CEP70: variants seen among roughly 807,000 people sequenced by gnomAD.
The protein encoded by CEP70 is centrosomal protein 70.
Under a neutral mutation model 90.9 loss-of-function variants are expected in CEP70, and 70 were observed. The observed-to-expected ratio is 0.77, with a 90% CI of 0.64 to 0.94. The LOEUF is 0.94. Among genes scored for constraint, CEP70 ranks in the 40% least tolerant of loss-of-function variants. The probability of loss-of-function intolerance (pLI) is 0.00; values close to 1 mark genes in which losing one functional copy is unlikely to be tolerated. For synonymous variants in CEP70, 220 were observed against 228.3 expected (o/e 0.96, Z 0.33); for missense variants, 648 against 669.0 (o/e 0.97, Z 0.35).
chr3:138,570,293 C>T (rs369373070), intron 6 of CEP70, 25 bp downstream of exon 6: 6 of 1,460,454 alleles, frequency 4.1e-6, no homozygotes, highest in African/African-American at 2.9e-5. Context: ...AACTAACCAT[C>T]ATCTAAGAAT....
intron 11 of CEP70, among the ~76,000 whole-genome samples, chr3:138,516,439 G>A (rs2036034762): frequency 6.6e-6 from 1 of 152,108 alleles, no homozygotes; most frequent in Non-Finnish European, 1.5e-5. Context: ...AGGCTGGAGT[G>A]CAGTGGTGTG....
At chr3:138,582,195 T>C (rs890165779) in intron 2 of CEP70, among the ~76,000 whole-genome samples, 3 of 152,108 alleles carry the variant, frequency 2.0e-5, no homozygotes, top group Non-Finnish European at 4.4e-5. Context: ...ACACAGAGTC[T>C]GGGCACAGTG....
At chr3:138,533,257 G>C (rs2037980152) in intron 7 of CEP70, among the ~76,000 whole-genome samples, 1 of 150,918 alleles carries the variant, frequency 6.6e-6, no homozygotes. Context: ...CTACAGCCTG[G>C]TGACAGAGCA....
At chr3:138,587,981 T>C (rs540285528) in intron 2 of CEP70, among the ~76,000 whole-genome samples, 1 of 151,924 alleles carries the variant, frequency 6.6e-6, no homozygotes, top group South Asian at 2.1e-4. Context: ...CGAAGGTAAT[T>C]TAGCAGGAAA....
At chr3:138,558,267 A>C (rs2040163934) in intron 6 of CEP70, among the ~76,000 whole-genome samples, 1 of 152,166 alleles carries the variant, frequency 6.6e-6, no homozygotes, top group African/African-American at 2.4e-5. Flanking sequence ...CAGGAGGCTG[A>C]AGTGGGCAAA....
intron 16 of CEP70, chr3:138,499,783 T>TACAC (rs56826450): frequency 0.34 from 65,611 of 192,614 alleles, 11,282 homozygotes; most frequent in Non-Finnish European, 0.4. Context: ...TCTCTCTCTC[T>TACAC]ACACACACAC....
chr3:138,566,836 G>A (rs2040829651), intron 6 of CEP70, among the ~76,000 whole-genome samples: 1 of 151,226 alleles, frequency 6.6e-6, no homozygotes, highest in South Asian at 2.1e-4. Flanking sequence ...AAACTTAAAT[G>A]TATACTTACC....
At chr3:138,529,173 A>G in intron 10 of CEP70, 26 bp downstream of exon 10, 3 of 1,515,146 alleles carry the variant, frequency 2.0e-6, no homozygotes, top group Non-Finnish European at 2.7e-6. Context: ...TCAGGAAAAA[A>G]AAAAAAAAAA....
chr3:138,538,650 C>T (rs1288526307), intron 6 of CEP70, among the ~76,000 whole-genome samples: 1 of 152,120 alleles, frequency 6.6e-6, no homozygotes, highest in Non-Finnish European at 1.5e-5. Context: ...CCATGACCCC[C>T]ACAGATGGAA....
At chr3:138,581,042 T>TG (rs2041826538) in intron 2 of CEP70, among the ~76,000 whole-genome samples, 1 of 151,730 alleles carries the variant, frequency 6.6e-6, no homozygotes, top group Admixed American at 6.6e-5. Context: ...CCCAACACTC[T>TG]GGGAGGCCAA....
chr3:138,537,415 G>T, intron 6 of CEP70, 68 bp from the exon 7 acceptor site: 2 of 1,013,838 alleles, frequency 2.0e-6, no homozygotes, highest in Non-Finnish European at 2.7e-6. Flanking sequence ...TAACAGTATT[G>T]TACACAAAGG....
chr3:138,543,309 C>G (rs145632595), intron 6 of CEP70, among the ~76,000 whole-genome samples: 1 of 152,210 alleles, frequency 6.6e-6, no homozygotes, highest in Non-Finnish European at 1.5e-5. Context: ...CTGCGCTCGT[C>G]GGCATCCAAA....
intron 6 of CEP70, among the ~76,000 whole-genome samples, chr3:138,552,766 A>G (rs1192429687): frequency 6.6e-6 from 1 of 152,184 alleles, no homozygotes; most frequent in Admixed American, 6.5e-5. Context: ...ACCTCAAGGA[A>G]CTAGAGAAAC....
At chr3:138,500,590 A>G in intron 14 of CEP70, 23 bp from the exon 15 acceptor site, 1 of 1,565,790 alleles carries the variant, frequency 6.4e-7, no homozygotes, top group Non-Finnish European at 8.6e-7. Flanking sequence ...GAGGTAAAAA[A>G]GAAAGAGTTC....
chr3:138,532,567 C>T lies in CEP70; in HGVS notation c.639G>A (p.Leu213=). The change falls in exon 8 of 18, where the codon TTG becomes TTA. Residue 213 remains leucine (L), a synonymous_variant. Transcript: ENST00000264982. ...ATTCATAGTAATCAATTAGACAAAG[C>T]AACCTAGAAAACAGAATATTGAATT... ...RVPHTVLDRQ[L]LCLIDYYESK... The T allele has an allele frequency of 1.3e-6, 2 of 1,495,656 alleles. No homozygotes were observed. Among genetic ancestry groups the T allele is most frequent in the Non-Finnish European group, 1.8e-6 (2 of 1,119,884 alleles). 92.6% of individuals were successfully genotyped at this position (1,495,656 alleles called of 1,614,324 possible).
chr3:138,561,437 A>T (rs2040399063), intron 6 of CEP70, among the ~76,000 whole-genome samples: 1 of 152,170 alleles, frequency 6.6e-6, no homozygotes, highest in Non-Finnish European at 1.5e-5. Context: ...AGATGGGGAG[A>T]AACCAGCACA....
intron 11 of CEP70, among the ~76,000 whole-genome samples, chr3:138,514,794 G>A (rs2035854428): frequency 6.6e-6 from 1 of 151,746 alleles, no homozygotes; most frequent in Non-Finnish European, 1.5e-5. Context: ...TATAAGTTTT[G>A]GAGTCAGAAT....
intron 8 of CEP70, among the ~76,000 whole-genome samples, chr3:138,531,958 T>A (rs1360061993): frequency 1.3e-5 from 2 of 152,228 alleles, no homozygotes; most frequent in Admixed American, 1.3e-4. Context: ...ATAAAAAGAT[T>A]AGCTACTGTT....
rs2040297567 is a variant in CEP70 at position 138,560,168 on chromosome 3, AT to A, written c.465+10149del. On this transcript the variant is annotated intron_variant, in intron 6 of 17. Coordinates refer to ENST00000264982, the MANE Select transcript of CEP70 (RefSeq NM_024491.4). ...CGTTTCCAACTGAGGTACCGTGTTC[AT>A]CTAATTGGGATTGGTTGGACAGTGG... Among the ~76,000 whole-genome samples, 3 of 152,322 alleles carry A rather than the reference AT, an allele frequency of 2.0e-5. No individual in the cohort carries two copies. The South Asian group carries it at 6.2e-4, about 32-fold the overall frequency.
Sources: allele counts gnomAD v4.1 joint callset (sites outside exome capture counted in the v4.1 genomes callset), GRCh38; gene constraint gnomAD v4.1.1; transcripts MANE v1.5; gene names NCBI Gene and HGNC (gene_info 2026-07-23, HGNC 2026-07-21).